ALOX5: variants seen among roughly 807,000 people sequenced by gnomAD.
The protein encoded by ALOX5 is arachidonate 5-lipoxygenase.
A neutral mutation model predicts 87.9 loss-of-function variants in ALOX5; 64 were observed. The observed-to-expected ratio is 0.73, with a 90% CI of 0.60 to 0.90. The LOEUF (loss-of-function observed/expected upper bound fraction) is 0.90, where lower values mean the gene tolerates loss of function less well. Among genes scored for constraint, ALOX5 ranks in the 40% least tolerant of loss-of-function variants. The pLI, the probability that ALOX5 is intolerant of heterozygous loss-of-function variation, is 0.00. For missense variants in ALOX5, 822 were observed against 907.5 expected, an observed-to-expected ratio of 0.91 and a Z score of 1.21; for synonymous variants, 388 against 355.1, an observed-to-expected ratio of 1.09 and a Z score of -1.04.
chr10:45,433,933 G>C (rs1277026720), intron 7 of ALOX5, among the ~76,000 whole-genome samples: 1 of 152,174 alleles, frequency 6.6e-6, no homozygotes, highest in Non-Finnish European at 1.5e-5. Flanking sequence ...AAACAACTCA[G>C]AGACACATGT....
At chr10:45,434,695 A>G (rs1842010930) in intron 7 of ALOX5, among the ~76,000 whole-genome samples, 1 of 152,262 alleles carries the variant, frequency 6.6e-6, no homozygotes, top group Admixed American at 6.5e-5. Flanking sequence ...CTGTGCCAGC[A>G]TGGGGACACA....
At chr10:45,421,936 T>A (rs1239150865) in intron 4 of ALOX5, among the ~76,000 whole-genome samples, 1 of 152,084 alleles carries the variant, frequency 6.6e-6, no homozygotes, top group Non-Finnish European at 1.5e-5. Context: ...TCCTGACACA[T>A]GAGGAGAAAA....
chr10:45,436,732 C>T lies in ALOX5; in HGVS notation c.982-3698C>T, dbSNP rs114752115. Among the ~76,000 whole-genome samples the T allele has an allele frequency of 8.3e-3, 1,258 of 151,974 alleles. 24 individuals are homozygous for T. Among genetic ancestry groups the T allele is most frequent in the African/African-American group, 0.029 (1,191 of 41,446 alleles). On this transcript the variant is annotated intron_variant, in intron 7 of 13. Coordinates refer to ENST00000374391, the MANE Select transcript of ALOX5 (RefSeq NM_000698.5). ...TTTGCCTAGGATTGCTTTGGCTATT[C>T]GGCTATTTTTTGGTTCCATATGAAT... is the stretch of plus-strand genomic sequence containing the variant.
intron 11 of ALOX5, 21 bp downstream of exon 11, chr10:45,443,558 C>G: frequency 6.2e-7 from 1 of 1,604,682 alleles, no homozygotes; most frequent in Admixed American, 1.7e-5. Context: ...CGGGACGTCT[C>G]CGGACCCGGC....
chr10:45,412,921 C>T (rs903636456), intron 4 of ALOX5, among the ~76,000 whole-genome samples: 1 of 152,208 alleles, frequency 6.6e-6, no homozygotes, highest in Admixed American at 6.5e-5. Flanking sequence ...TATCGGGAGA[C>T]TCTAGGCTGC....
intron 2 of ALOX5, among the ~76,000 whole-genome samples, chr10:45,385,774 G>A (rs1839986264): frequency 6.6e-6 from 1 of 152,206 alleles, no homozygotes; most frequent in African/African-American, 2.4e-5. Flanking sequence ...AGGGGAGGAT[G>A]CAGAGGTATC....
chr10:45,409,908 C>A (rs1237809494), intron 3 of ALOX5, among the ~76,000 whole-genome samples: 1 of 152,270 alleles, frequency 6.6e-6, no homozygotes, highest in South Asian at 2.1e-4. Flanking sequence ...AGGCCATCAT[C>A]TTCTAACCAC....
chr10:45,443,259 C>T (rs1041727690), intron 10 of ALOX5, 43 bp downstream of exon 10: 5 of 1,596,666 alleles, frequency 3.1e-6, no homozygotes, highest in Non-Finnish European at 3.4e-6. Flanking sequence ...GGAGCCGGGA[C>T]CCCTGCCTGA....
At chr10:45,442,788 C>A in intron 9 of ALOX5, 2 of 520,064 alleles carry the variant, frequency 3.8e-6, no homozygotes, top group Non-Finnish European at 3.4e-6. Context: ...GCACCCTTCC[C>A]TCTTGTACTC....
At chr10:45,397,708 A>G (rs1840561710) in intron 3 of ALOX5, among the ~76,000 whole-genome samples, 2 of 151,928 alleles carry the variant, frequency 1.3e-5, no homozygotes, top group Admixed American at 6.5e-5. Flanking sequence ...ACAACCAACT[A>G]TGTGAAATAA....
At chr10:45,428,082 T>A (rs1841788968) in intron 6 of ALOX5, among the ~76,000 whole-genome samples, 1 of 104,964 alleles carries the variant, frequency 9.5e-6, no homozygotes, top group Non-Finnish European at 2.1e-5. Context: ...GAGACCCCCC[T>A]CAACCCCTGT....
At chr10:45,431,501 C>T (rs1040850521) in intron 7 of ALOX5, among the ~76,000 whole-genome samples, 3 of 151,754 alleles carry the variant, frequency 2.0e-5, no homozygotes, top group Non-Finnish European at 4.4e-5. Flanking sequence ...TAGCCTTTCT[C>T]CATACTAACA....
chr10:45,390,088 CAAAG>C (rs1476101121), intron 2 of ALOX5, among the ~76,000 whole-genome samples: 4 of 152,070 alleles, frequency 2.6e-5, no homozygotes, highest in African/African-American at 4.8e-5. Context: ...TCAAAAGAGA[CAAAG>C]AAGGCCATTA....
Position 45,429,751 on chromosome 10 carries a change from A to T in ALOX5, c.981+987A>T, listed in dbSNP as rs76687372. 6.4e-3 allele frequency among the ~76,000 whole-genome samples: 976 copies of T among 152,288 alleles called. 12 individuals carry two copies. Among genetic ancestry groups the T allele is most frequent in the African/African-American group, 0.022 (927 of 41,560 alleles). ...GGGGGTGGGAGGGGGTATGGCACAT[A>T]ATGAAGTATACCCACTGCTAAAATC... On this transcript the variant is annotated intron_variant, in intron 7 of 13. Transcript: ENST00000374391.
intron 1 of ALOX5, among the ~76,000 whole-genome samples, chr10:45,380,581 C>T (rs1839790990): frequency 6.6e-6 from 1 of 152,208 alleles, no homozygotes; most frequent in Non-Finnish European, 1.5e-5. Context: ...ACTTTGCCAT[C>T]ATGCTGAGAA....
At chr10:45,390,534 A>G (rs561315364) in intron 2 of ALOX5, among the ~76,000 whole-genome samples, 1 of 152,366 alleles carries the variant, frequency 6.6e-6, no homozygotes, top group South Asian at 2.1e-4. Context: ...AAGATTAAGA[A>G]ACTCACTCAA....
intron 3 of ALOX5, among the ~76,000 whole-genome samples, chr10:45,407,261 C>G (rs1490295430): frequency 6.6e-6 from 1 of 152,198 alleles, no homozygotes; most frequent in Non-Finnish European, 1.5e-5. Context: ...GAGTTTCTAT[C>G]TCCCTCCCTC....
At chr10:45,433,348 T>C (rs1261233620) in intron 7 of ALOX5, among the ~76,000 whole-genome samples, 1 of 152,184 alleles carries the variant, frequency 6.6e-6, no homozygotes, top group South Asian at 2.1e-4. Flanking sequence ...CAGTGGGCGG[T>C]CAGAGGGTCC....
At chr10:45,402,486 G>A (rs371924489) in intron 3 of ALOX5, among the ~76,000 whole-genome samples, 2 of 152,310 alleles carry the variant, frequency 1.3e-5, no homozygotes, top group South Asian at 2.1e-4. Flanking sequence ...CAGCACGGAG[G>A]GCTGAAGGAG....
Sources: allele counts gnomAD v4.1 joint callset (sites outside exome capture counted in the v4.1 genomes callset), GRCh38; gene constraint gnomAD v4.1.1; transcripts MANE v1.5; gene names NCBI Gene and HGNC (gene_info 2026-07-23, HGNC 2026-07-21).